The following NHLRC2 variants were observed in gnomAD, a reference collection of about 807,000 sequenced individuals.
The protein encoded by NHLRC2 is NHL repeat-containing protein 2.
NHLRC2 carries 33 observed loss-of-function variants against 68.1 expected under a neutral mutation model. The observed-to-expected ratio is 0.48, with a 90% CI of 0.37 to 0.65. The LOEUF is 0.65. Among genes scored for constraint, NHLRC2 ranks in the 30% least tolerant of loss-of-function variants. The pLI, the probability that NHLRC2 is intolerant of heterozygous loss-of-function variation, is 0.00. For synonymous variants in NHLRC2, 311 were observed against 309.6 expected (o/e 1.00, Z -0.05); for missense variants, 761 against 853.8 (o/e 0.89, Z 1.35).
intron 5 of NHLRC2, among the ~76,000 whole-genome samples, chr10:113,886,021 A>C (rs1264085122): frequency 6.6e-6 from 1 of 152,080 alleles, no homozygotes; most frequent in East Asian, 1.9e-4. Context: ...AGACTATTAG[A>C]GCTGATAAAT....
chr10:113,873,588 G>C (rs779749916), intron 2 of NHLRC2, among the ~76,000 whole-genome samples: 4 of 152,070 alleles, frequency 2.6e-5, no homozygotes, highest in Admixed American at 6.6e-5. Flanking sequence ...GTGTGTGTGC[G>C]TATGTTCTTG....
In NHLRC2 at chr10:113,904,816, G is replaced by T. The variant is rs1365431326; in HGVS notation, c.1705-1G>T. On this transcript the variant is annotated splice_acceptor_variant, in intron 9 of 10. Coordinates refer to ENST00000369301, the MANE Select transcript of NHLRC2 (RefSeq NM_198514.4). LOFTEE classifies it high-confidence loss of function. ...TAATAACAGATTTTCTTATTTCCTA[G>T]CTCCCCATCTTCAGATCTGAAAATG... 1 of 1,608,554 alleles carries T rather than the reference G, an allele frequency of 6.2e-7. No homozygotes were observed. Among genetic ancestry groups the T allele is most frequent in the Non-Finnish European group, 8.5e-7 (1 of 1,175,220 alleles).
At chr10:113,908,225 TC>T in intron 10 of NHLRC2, 54 bp from the exon 11 acceptor site, 1 of 1,340,256 alleles carries the variant, frequency 7.5e-7, no homozygotes. Context: ...CATAAGATGT[TC>T]CCAGTTTTCT....
chr10:113,879,471 A>AT, intron 3 of NHLRC2, 103 bp from the exon 4 acceptor site: 2 of 1,058,714 alleles, frequency 1.9e-6, no homozygotes, highest in Non-Finnish European at 2.7e-6. Flanking sequence ...TGGACATACC[A>AT]TTTTTTTATA....
intron 2 of NHLRC2, chr10:113,858,929 G>T: frequency 3.1e-6 from 1 of 318,428 alleles, no homozygotes; most frequent in South Asian, 1.5e-4. Context: ...GGCATAATTT[G>T]CTATTTTTCA....
chr10:113,909,901 CT>C lies in NHLRC2; in HGVS notation c.*1371del. The stretch of plus-strand genomic sequence containing the variant: ...AACAGTGCTAAATTTGAAGTGTAAT[CT>C]TTTTTAAACATCATTGTCTATTTTT... On this transcript the variant is annotated 3_prime_UTR_variant, in exon 11 of 11. Transcript: ENST00000369301. The C allele has an allele frequency of 6.6e-6, 1 of 152,058 alleles. No individual in the cohort carries two copies. 9.4% of individuals were successfully genotyped at this position (152,058 alleles called of 1,614,324 possible).
chr10:113,912,252 T>A lies in NHLRC2; in HGVS notation c.*3716T>A, dbSNP rs1846336818. The A allele has an allele frequency of 6.6e-6, 1 of 152,204 alleles. No homozygotes were observed. Among genetic ancestry groups the A allele is most frequent in the Non-Finnish European group, 1.5e-5 (1 of 68,034 alleles). 9.4% of individuals were successfully genotyped at this position (152,204 alleles called of 1,614,324 possible). ...TACAGCACTTAGTAATTAATGAAACTGGTAATTATTAGCTTAGTTACTGTA... is the reference window on the plus strand; with the variant it reads ...TACAGCACTTAGTAATTAATGAAACAGGTAATTATTAGCTTAGTTACTGTA... On this transcript the variant is annotated 3_prime_UTR_variant, in exon 11 of 11. Transcript: ENST00000369301.
intron 5 of NHLRC2, among the ~76,000 whole-genome samples, chr10:113,887,216 A>G (rs1405273852): frequency 6.6e-6 from 1 of 152,230 alleles, no homozygotes; most frequent in Non-Finnish European, 1.5e-5. Flanking sequence ...ATAAATGTTG[A>G]TGAGGATGCG....
chr10:113,883,459 G>C (rs1230837668), intron 4 of NHLRC2, among the ~76,000 whole-genome samples: 1 of 151,652 alleles, frequency 6.6e-6, no homozygotes, highest in Non-Finnish European at 1.5e-5. Context: ...ATTGATAGCT[G>C]GATAAAATGT....
At chr10:113,905,209 G>A (rs1269942488) in intron 10 of NHLRC2, among the ~76,000 whole-genome samples, 173 bp downstream of exon 10, 2 of 152,144 alleles carry the variant, frequency 1.3e-5, no homozygotes, top group Non-Finnish European at 2.9e-5. Flanking sequence ...CTCATCAAGA[G>A]TCTTTCTTCC....
At chr10:113,862,060 G>C (rs1353504472) in intron 2 of NHLRC2, among the ~76,000 whole-genome samples, 1 of 151,796 alleles carries the variant, frequency 6.6e-6, no homozygotes, top group Non-Finnish European at 1.5e-5. Flanking sequence ...TTTTTTAGTA[G>C]AGACAGGTTT....
rs1846347409 is a variant in NHLRC2 at position 113,913,403 on chromosome 10, A to G, written c.*4867A>G. 2 of 152,212 alleles carry G rather than the reference A, an allele frequency of 1.3e-5. No homozygotes were observed. The highest frequency in any genetic ancestry group is 6.5e-5 in the Admixed American group (1 of 15,278). 9.4% of individuals were successfully genotyped at this position (152,212 alleles called of 1,614,324 possible). On this transcript the variant is annotated 3_prime_UTR_variant, in exon 11 of 11. Coordinates refer to ENST00000369301, the MANE Select transcript of NHLRC2 (RefSeq NM_198514.4). ...TATATACTGTTATTCAGACCTTGGA[A>G]CAGTCTATAATTGTTTGTCAAAAGA...
At chr10:113,862,753 T>C (rs995819338) in intron 2 of NHLRC2, among the ~76,000 whole-genome samples, 2 of 152,192 alleles carry the variant, frequency 1.3e-5, no homozygotes, top group African/African-American at 4.8e-5. Context: ...ATGCAAATTG[T>C]AACTAAAAGA....
At chr10:113,890,454 A>G (rs1377775795) in intron 5 of NHLRC2, among the ~76,000 whole-genome samples, 1 of 152,048 alleles carries the variant, frequency 6.6e-6, no homozygotes, top group Non-Finnish European at 1.5e-5. Context: ...GGTTTTCAGC[A>G]GTTTGATATA....
intron 4 of NHLRC2, 112 bp downstream of exon 4, chr10:113,879,807 G>C (rs1846020922): frequency 4.5e-6 from 3 of 663,758 alleles, no homozygotes; most frequent in Non-Finnish European, 4.8e-6. Flanking sequence ...CAATGTCCTT[G>C]TTCTGCTTTT....
intron 2 of NHLRC2, among the ~76,000 whole-genome samples, chr10:113,863,168 A>T (rs1371150553): frequency 6.6e-6 from 1 of 152,190 alleles, no homozygotes; most frequent in East Asian, 1.9e-4. Context: ...AACACTACCC[A>T]ACAACAACAG....
intron 5 of NHLRC2, among the ~76,000 whole-genome samples, chr10:113,887,694 C>T (rs1846094656): frequency 6.6e-6 from 1 of 152,096 alleles, no homozygotes. Context: ...ATCACTTGAA[C>T]CCGGGAGGCG....
At chr10:113,871,357 T>C (rs1160100734) in intron 2 of NHLRC2, among the ~76,000 whole-genome samples, 2 of 152,164 alleles carry the variant, frequency 1.3e-5, no homozygotes, top group Admixed American at 6.5e-5. Flanking sequence ...AGTTTTATAA[T>C]TGAGTCTCTG....
At position 113,903,535 on chromosome 10, in the gene NHLRC2, T is replaced by G; in HGVS notation, c.1503T>G (p.Val501=). ...TGTTCTTTCTTTTTTAGATTAAAGT[T>G]GTGGATCCAAAAACAAAAAACTGTA... ...VADSYNHKIK[V]VDPKTKNCTT... The change falls in exon 9 of 11, where the codon GTT becomes GTG. Residue 501 remains valine, a synonymous_variant. Coordinates refer to ENST00000369301, the MANE Select transcript of NHLRC2 (RefSeq NM_198514.4). 1 of 1,594,096 alleles carries G rather than the reference T, an allele frequency of 6.3e-7. No homozygotes were observed. Among genetic ancestry groups the G allele is most frequent in the Non-Finnish European group, 8.6e-7 (1 of 1,167,378 alleles).
Sources: gnomAD v4.1 joint callset for allele counts (sites outside exome capture counted in the v4.1 genomes callset) on GRCh38, gnomAD v4.1.1 for gene constraint, MANE v1.5 for transcripts, NCBI Gene and HGNC (gene_info 2026-07-23, HGNC 2026-07-21) for gene names.